Variants in EIF2AK4 observed in about 807,000 individuals in gnomAD.
The protein encoded by EIF2AK4 is eIF-2-alpha kinase GCN2.
Under a neutral mutation model 211.1 loss-of-function variants are expected in EIF2AK4, and 139 were observed. That is an observed-to-expected ratio of 0.66 (90% CI 0.57 to 0.76). The LOEUF (loss-of-function observed/expected upper bound fraction) is 0.76, where lower values mean the gene tolerates loss of function less well. Among genes scored for constraint, EIF2AK4 ranks in the 30% least tolerant of loss-of-function variants. EIF2AK4 has a pLI of 0.00. For synonymous variants in EIF2AK4, 710 were observed against 751.3 expected, an observed-to-expected ratio of 0.94 and a Z score of 0.90; for missense variants, 1,664 against 2,043.8, an observed-to-expected ratio of 0.81 and a Z score of 3.58.
chr15:40,022,342 G>T, intron 31 of EIF2AK4, 177 bp from the exon 32 acceptor site: 1 of 564,128 alleles, frequency 1.8e-6, no homozygotes, highest in African/African-American at 1.9e-5. Flanking sequence ...GAGAGGCCTT[G>T]TTCCTCCCTT....
intron 6 of EIF2AK4, among the ~76,000 whole-genome samples, chr15:39,959,005 T>G (rs2034430808): frequency 6.6e-6 from 1 of 152,248 alleles, no homozygotes; most frequent in African/African-American, 2.4e-5. Flanking sequence ...CTGTTCTTTT[T>G]AAAGACCTAG....
chr15:39,987,085 C>T (rs911071221), intron 14 of EIF2AK4, among the ~76,000 whole-genome samples: 4 of 152,136 alleles, frequency 2.6e-5, no homozygotes, highest in Admixed American at 6.5e-5. Context: ...TTAGGTATTC[C>T]GTAACATAAA....
At position 39,940,347 on chromosome 15, in the gene EIF2AK4, C is replaced by T. The variant is rs375970237; in HGVS notation, c.257+730C>T. 1.6e-4 allele frequency among the ~76,000 whole-genome samples: 24 copies of T among 152,130 alleles called. No homozygotes were observed. In the East Asian group the frequency reaches 2.1e-3, roughly 13 times the overall value. ...TGGAAAGGCAGGTTGGCCTGGATGG[C>T]GTTAAGTAGTTTGAAATTATTGTAT... On this transcript the variant is annotated intron_variant, in intron 2 of 38. Transcript: ENST00000263791.
chr15:39,989,926 G>A (rs1417538022), intron 15 of EIF2AK4, among the ~76,000 whole-genome samples: 1 of 152,208 alleles, frequency 6.6e-6, no homozygotes, highest in Admixed American at 6.6e-5. Flanking sequence ...ACAAAGAAAG[G>A]AATAGAAGAA....
chr15:40,009,829 A>T, intron 26 of EIF2AK4, 99 bp downstream of exon 26: 1 of 875,802 alleles, frequency 1.1e-6, no homozygotes, highest in Non-Finnish European at 1.8e-6. Context: ...GCAGCCATGA[A>T]ACTGAATTGG....
rs568336830 is a variant in EIF2AK4, at chr15:39,964,613, T to C, written c.860-1073T>C. ...ATATATGCTATGATATGGTAAATTA[T>C]GGGGTAAAGGAGAATAGAGGGAACT... On this transcript the variant is annotated intron_variant, in intron 7 of 38. Transcript: ENST00000263791. 7.2e-5 allele frequency among the ~76,000 whole-genome samples: 11 copies of C among 152,304 alleles called. No homozygotes were observed. In the South Asian group the frequency reaches 2.3e-3, roughly 32 times the overall value.
chr15:39,941,837 C>A (rs1006979812), intron 2 of EIF2AK4, among the ~76,000 whole-genome samples: 1 of 152,104 alleles, frequency 6.6e-6, no homozygotes, highest in Non-Finnish European at 1.5e-5. Flanking sequence ...TGGCAGATAT[C>A]CCCTGGGGCC....
At chr15:39,935,720 A>G (rs762727033) in intron 1 of EIF2AK4, among the ~76,000 whole-genome samples, 3 of 152,208 alleles carry the variant, frequency 2.0e-5, no homozygotes, top group Non-Finnish European at 2.9e-5. Flanking sequence ...TTCTGGAGCT[A>G]TCAGGACAAA....
chr15:39,977,132 TAAAAAC>T (rs10664232), intron 12 of EIF2AK4: 9 of 324,260 alleles, frequency 2.8e-5, no homozygotes, highest in East Asian at 4.7e-5. Flanking sequence ...TGACCATGTT[TAAAAAC>T]AAAAACAAAA....
chr15:40,008,799 T>C (rs2035196506), intron 25 of EIF2AK4, among the ~76,000 whole-genome samples: 1 of 152,148 alleles, frequency 6.6e-6, no homozygotes. Flanking sequence ...TGTACTACCT[T>C]GAGTTATGTT....
At chr15:40,007,512 G>C (rs779026023) in intron 24 of EIF2AK4, among the ~76,000 whole-genome samples, 1 of 152,184 alleles carries the variant, frequency 6.6e-6, no homozygotes, top group South Asian at 2.1e-4. Flanking sequence ...CAGCAGGAAC[G>C]CTGAGCGCTG....
At chr15:40,025,424 T>C (rs1388940506) in intron 32 of EIF2AK4, among the ~76,000 whole-genome samples, 1 of 152,126 alleles carries the variant, frequency 6.6e-6, no homozygotes, top group Non-Finnish European at 1.5e-5. Context: ...GTGATAGCAG[T>C]ATAAAGAATA....
rs1166596539 is a variant in EIF2AK4, at chr15:39,986,620, G to A, written c.2403+732G>A. 2.6e-5 allele frequency among the ~76,000 whole-genome samples: 4 copies of A among 152,250 alleles called. No individual in the cohort carries two copies. In the East Asian group the frequency reaches 7.7e-4, roughly 29 times the overall value. On this transcript the variant is annotated intron_variant, in intron 14 of 38. Coordinates refer to ENST00000263791, the MANE Select transcript of EIF2AK4 (RefSeq NM_001013703.4). ...TGCAATCCCAGCACTTTGGGAGGCC[G>A]AGGCGGGTGGATCACCTGAGGTCAG...
In EIF2AK4 at chr15:40,017,502, TA is replaced by T. The variant is rs1171836860; in HGVS notation, c.4065+261del. Among the ~76,000 whole-genome samples, 53,106 of 76,718 alleles carry T rather than the reference TA, an allele frequency of 0.69. 15,663 individuals are homozygous for T. The highest frequency in any genetic ancestry group is 0.73 in the African/African-American group (14,675 of 20,176). 50.3% of individuals were successfully genotyped at this position (76,718 alleles called of 152,430 possible). On this transcript the variant is annotated intron_variant, in intron 29 of 38. Coordinates refer to ENST00000263791, the MANE Select transcript of EIF2AK4 (RefSeq NM_001013703.4). ...GCTCATGTACCCTTTACTCTGTTTC[TA>T]TATATATATATATATATATATATAT...
intron 4 of EIF2AK4, among the ~76,000 whole-genome samples, chr15:39,950,969 T>TC (rs967245163): frequency 1.1e-4 from 17 of 151,768 alleles, no homozygotes; most frequent in African/African-American, 4.1e-4. Context: ...ATGCTTTACA[T>TC]CCCCCCCATT....
Position 39,934,307 on chromosome 15 carries a change from T to C in EIF2AK4, c.112T>C (p.Phe38Leu). ...CCTGGAGGCCATTTACGGCGCGGAC[T>C]TCCAAGACCTGCGGCCGGACGCTTG... is the stretch of plus-strand genomic sequence containing the variant. ...QALEAIYGAD[F>L]QDLRPDACGP... Residue 38 changes from phenylalanine (F) to leucine (L), a missense_variant, in exon 1 of 39, where the codon TTC (phenylalanine) becomes CTC (leucine). By Grantham distance (22) the Phe-to-Leu change is conservative. This residue lies in a region of EIF2AK4 where 641 missense variants were observed against 729.6 expected (regional missense o/e 0.88). Coordinates refer to ENST00000263791, the MANE Select transcript of EIF2AK4 (RefSeq NM_001013703.4). 3 of 1,611,910 alleles carry C rather than the reference T, an allele frequency of 1.9e-6. No individual in the cohort carries two copies. The highest frequency in any genetic ancestry group is 1.7e-5 in the Admixed American group (1 of 59,860).
chr15:39,962,814 G>A (rs1447228609), intron 7 of EIF2AK4, among the ~76,000 whole-genome samples: 2 of 152,112 alleles, frequency 1.3e-5, no homozygotes, highest in Non-Finnish European at 2.9e-5. Context: ...TCAAGTTTTT[G>A]GTATTTCTTC....
intron 3 of EIF2AK4, among the ~76,000 whole-genome samples, chr15:39,947,119 G>T (rs989615919): frequency 3.6e-4 from 55 of 152,004 alleles, no homozygotes; most frequent in Non-Finnish European, 1.5e-4. Flanking sequence ...GATTTGAATG[G>T]GTGTTAAACA....
At chr15:39,995,941 G>A (rs896853645) in intron 18 of EIF2AK4, among the ~76,000 whole-genome samples, 7 of 152,110 alleles carry the variant, frequency 4.6e-5, no homozygotes, top group African/African-American at 1.2e-4. Context: ...TCACCATGCC[G>A]TGCTTTAGAT....
Sources: allele counts gnomAD v4.1 joint callset (sites outside exome capture counted in the v4.1 genomes callset), GRCh38; gene constraint gnomAD v4.1.1; regional missense constraint gnomAD v4.1.1; transcripts MANE v1.5; gene names NCBI Gene and HGNC (gene_info 2026-07-23, HGNC 2026-07-21).